MAPK4: variants seen among roughly 807,000 people sequenced by gnomAD.
MAPK4 encodes Erk3-related.
A neutral mutation model predicts 47.7 loss-of-function variants in MAPK4; 22 were observed. That is an observed-to-expected ratio of 0.46 (90% confidence interval 0.33 to 0.66). The LOEUF is 0.66. Among genes scored for constraint, MAPK4 ranks in the 30% least tolerant of loss-of-function variants. MAPK4 has a pLI of 0.02. For missense variants in MAPK4, 736 were observed against 831.7 expected, an observed-to-expected ratio of 0.88 and a Z score of 1.42; for synonymous variants, 390 against 365.7, an observed-to-expected ratio of 1.07 and a Z score of -0.76.
At chr18:50,641,998 A>G (rs752680657) in intron 1 of MAPK4, among the ~76,000 whole-genome samples, 1 of 152,246 alleles carries the variant, frequency 6.6e-6, no homozygotes, top group African/African-American at 2.4e-5. Flanking sequence ...GACATTCTAT[A>G]TAACTTACAT....
At chr18:50,708,853 G>A (rs1910202262) in intron 2 of MAPK4, among the ~76,000 whole-genome samples, 1 of 152,208 alleles carries the variant, frequency 6.6e-6, no homozygotes, top group South Asian at 2.1e-4. Context: ...TACACTCTCT[G>A]TGCCTCAGTT....
chr18:50,699,140 AG>A (rs1219690348), intron 2 of MAPK4, among the ~76,000 whole-genome samples: 2 of 152,350 alleles, frequency 1.3e-5, no homozygotes, highest in East Asian at 3.9e-4. Flanking sequence ...CCAGAAACAA[AG>A]GAGGAAAAAA....
At chr18:50,683,690 G>A (rs1908713050) in intron 2 of MAPK4, among the ~76,000 whole-genome samples, 1 of 152,080 alleles carries the variant, frequency 6.6e-6, no homozygotes, top group African/African-American at 2.4e-5. Flanking sequence ...TATTTAAGTG[G>A]AAAACTTATA....
intron 1 of MAPK4, among the ~76,000 whole-genome samples, chr18:50,585,457 C>T (rs1056134437): frequency 2.0e-5 from 3 of 152,142 alleles, no homozygotes; most frequent in African/African-American, 4.8e-5. Context: ...CTTTTAGCTG[C>T]GTGTTTGACA....
At chr18:50,644,105 C>T (rs2042966381) in intron 1 of MAPK4, among the ~76,000 whole-genome samples, 1 of 151,862 alleles carries the variant, frequency 6.6e-6, no homozygotes, top group South Asian at 2.1e-4. Flanking sequence ...GGACTTGAGT[C>T]CAAGAAGATT....
rs1400535293 is a variant in MAPK4, at chr18:50,729,727, C to T, written c.1637C>T (p.Ala546Val). 2 of 1,593,018 alleles carry T rather than the reference C, an allele frequency of 1.3e-6. No individual in the cohort carries two copies. The highest frequency in any genetic ancestry group is 1.3e-5 in the African/African-American group (1 of 74,738). The change falls in exon 6 of 6, where the codon GCC becomes GTC. Residue 546 changes from alanine to valine, a missense_variant. Physicochemically the swap from Ala to Val is moderately conservative, Grantham distance 64 (BLOSUM62 0). This residue lies in a region of MAPK4 where 377 missense variants were observed against 378.6 expected (regional missense o/e 1.00). Coordinates refer to ENST00000400384, the MANE Select transcript of MAPK4 (RefSeq NM_002747.4). ...QFDLDVFISR[A>V]LKLCTKPEDL... ...GACCTGGACGTGTTCATCTCCCGCG[C>T]CCTGAAGCTCTGCACCAAGCCCGAG... is the stretch of plus-strand genomic sequence containing the variant.
intron 2 of MAPK4, among the ~76,000 whole-genome samples, chr18:50,665,919 C>T (rs1259590538): frequency 6.6e-6 from 1 of 152,194 alleles, no homozygotes. Flanking sequence ...CTTTCTAATT[C>T]CTTGAACTGC....
intron 1 of MAPK4, among the ~76,000 whole-genome samples, chr18:50,645,432 G>A (rs189025423): frequency 5.9e-5 from 9 of 152,290 alleles, no homozygotes; most frequent in East Asian, 5.8e-4. Flanking sequence ...TGCTGTGTTC[G>A]GACTGGAGGA....
rs1598956885 is a variant in MAPK4 at position 50,721,895 on chromosome 18, C to G, written c.692-43C>G. On this transcript the variant is annotated intron_variant, in intron 3 of 5. Coordinates refer to ENST00000400384, the MANE Select transcript of MAPK4 (RefSeq NM_002747.4). ...GCTTTTGGGCTACTGCACACCACAG[C>G]CCCTTGGACAGCACACTTAACCATC... is the stretch of plus-strand genomic sequence containing the variant. 3.1e-6 allele frequency: 5 copies of G among 1,607,612 alleles called. No homozygotes were observed. In the African/African-American group the frequency reaches 5.3e-5, roughly 17 times the overall value.
chr18:50,626,450 C>T (rs890283611), intron 1 of MAPK4, among the ~76,000 whole-genome samples: 7 of 152,106 alleles, frequency 4.6e-5, no homozygotes, highest in Non-Finnish European at 5.9e-5. Flanking sequence ...TGAGCCTCAG[C>T]GTGGACGGGG....
chr18:50,667,560 C>T (rs1173845246), intron 2 of MAPK4, among the ~76,000 whole-genome samples: 1 of 152,158 alleles, frequency 6.6e-6, no homozygotes, highest in African/African-American at 2.4e-5. Context: ...TTAACCCCTT[C>T]TAAAGTTTTA....
At chr18:50,707,332 T>C (rs1299547517) in intron 2 of MAPK4, among the ~76,000 whole-genome samples, 1 of 152,068 alleles carries the variant, frequency 6.6e-6, no homozygotes, top group East Asian at 1.9e-4. Context: ...TTTGGGAGGC[T>C]GAGGAGGCAG....
intron 1 of MAPK4, among the ~76,000 whole-genome samples, chr18:50,616,417 C>T (rs572181411): frequency 9.2e-5 from 14 of 152,194 alleles, no homozygotes; most frequent in African/African-American, 2.9e-4. Flanking sequence ...TGTCCTGAGG[C>T]TTAAATGAAA....
chr18:50,694,120 T>A (rs1909378991), intron 2 of MAPK4, among the ~76,000 whole-genome samples: 1 of 152,204 alleles, frequency 6.6e-6, no homozygotes, highest in South Asian at 2.1e-4. Flanking sequence ...CCAAAATGAC[T>A]AAAATCCAAA....
intron 2 of MAPK4, 138 bp from the exon 3 acceptor site, chr18:50,714,941 C>A: frequency 1.2e-6 from 1 of 846,736 alleles, no homozygotes. Context: ...CATGCTCCTT[C>A]AAGATCAATG....
intron 1 of MAPK4, among the ~76,000 whole-genome samples, chr18:50,630,765 CT>C (rs34039734): frequency 6.6e-6 from 1 of 152,334 alleles, no homozygotes; most frequent in Non-Finnish European, 1.5e-5. Context: ...CCACGTCTGC[CT>C]TTTGGCTGTG....
intron 1 of MAPK4, among the ~76,000 whole-genome samples, chr18:50,596,676 C>G (rs1009188720): frequency 6.6e-6 from 1 of 152,190 alleles, no homozygotes; most frequent in Non-Finnish European, 1.5e-5. Context: ...CCAAAATCAA[C>G]ATCAGTGGTA....
At chr18:50,566,608 C>T (rs996213814) in intron 1 of MAPK4, among the ~76,000 whole-genome samples, 1 of 152,214 alleles carries the variant, frequency 6.6e-6, no homozygotes, top group Non-Finnish European at 1.5e-5. Context: ...CAAAGAACTA[C>T]TCATTAATTC....
intron 1 of MAPK4, among the ~76,000 whole-genome samples, chr18:50,631,143 A>G (rs1874523622): frequency 6.6e-6 from 1 of 152,208 alleles, no homozygotes; most frequent in African/African-American, 2.4e-5. Context: ...TTCAGCTCTC[A>G]TACTGCAAAC....
Sources: allele counts gnomAD v4.1 joint callset (sites outside exome capture counted in the v4.1 genomes callset), GRCh38; gene constraint gnomAD v4.1.1; regional missense constraint gnomAD v4.1.1; transcripts MANE v1.5; gene names NCBI Gene and HGNC (gene_info 2026-07-23, HGNC 2026-07-21).